RAVER2: variants seen among roughly 807,000 people sequenced by gnomAD.
The protein encoded by RAVER2 is ribonucleoprotein PTB-binding 2.
A neutral mutation model predicts 78.1 loss-of-function variants in RAVER2; 46 were observed. That is an observed-to-expected ratio of 0.59 (90% CI 0.46 to 0.75). The LOEUF is 0.75. Among genes scored for constraint, RAVER2 ranks in the 30% least tolerant of loss-of-function variants. The pLI is 0.00. For synonymous variants in RAVER2, 311 were observed against 313.3 expected, an observed-to-expected ratio of 0.99 and a Z score of 0.08; for missense variants, 793 against 837.5, an observed-to-expected ratio of 0.95 and a Z score of 0.66.
chr1:64,748,975 G>A (rs1248423481), intron 1 of RAVER2, among the ~76,000 whole-genome samples: 1 of 152,080 alleles, frequency 6.6e-6, no homozygotes. Flanking sequence ...TGGGACTACA[G>A]GCATAAGCCA....
At chr1:64,795,288 C>T in intron 5 of RAVER2, among the ~76,000 whole-genome samples, 1 of 151,982 alleles carries the variant, frequency 6.6e-6, no homozygotes, top group East Asian at 1.9e-4. Context: ...AGTTGTTTGG[C>T]CATTCCAGGT....
chr1:64,805,033 A>G, exon 8 of RAVER2: 2 of 1,614,008 alleles, frequency 1.2e-6, no homozygotes, highest in Middle Eastern at 3.3e-4. Flanking sequence ...GGTACTTCAG[A>G]CTGCACTAGG....
At chr1:64,776,020 A>C (rs1229333660) in intron 2 of RAVER2, among the ~76,000 whole-genome samples, 1 of 69,970 alleles carries the variant, frequency 1.4e-5, no homozygotes, top group South Asian at 3.5e-4. Context: ...CTCTTGTCTC[A>C]AAAAAAAAAA....
At chr1:64,789,949 GT>G (rs1652889957) in intron 5 of RAVER2, among the ~76,000 whole-genome samples, 1 of 152,064 alleles carries the variant, frequency 6.6e-6, no homozygotes, top group Non-Finnish European at 1.5e-5. Flanking sequence ...TTGTAAAATT[GT>G]TTCACTTTGT....
chr1:64,753,670 C>T (rs1309534882), intron 1 of RAVER2, among the ~76,000 whole-genome samples: 1 of 151,516 alleles, frequency 6.6e-6, no homozygotes, highest in Non-Finnish European at 1.5e-5. Flanking sequence ...ATTACAGGCG[C>T]CCGCCACCAC....
chr1:64,771,263 C>T (rs989258624), intron 2 of RAVER2, among the ~76,000 whole-genome samples: 1 of 151,998 alleles, frequency 6.6e-6, no homozygotes, highest in Non-Finnish European at 1.5e-5. Context: ...AACATCTTTT[C>T]ATTCTTTACC....
At chr1:64,818,777 CTGT>C (rs1185741307) in intron 11 of RAVER2, among the ~76,000 whole-genome samples, 1 of 152,048 alleles carries the variant, frequency 6.6e-6, no homozygotes, top group African/African-American at 2.4e-5. Flanking sequence ...GTTAGCAAGG[CTGT>C]TAAGTGAAGG....
intron 11 of RAVER2, among the ~76,000 whole-genome samples, chr1:64,822,220 A>G (rs1390377327): frequency 6.6e-6 from 1 of 152,148 alleles, no homozygotes; most frequent in Non-Finnish European, 1.5e-5. Flanking sequence ...CCCGGGAGGC[A>G]GAGCTTGCAG....
In RAVER2 at chr1:64,778,223, G is replaced by A. The variant is rs1652528430; in HGVS notation, c.786+131G>A. 8 of 757,384 alleles carry A rather than the reference G, an allele frequency of 1.1e-5. No homozygotes were observed. In the South Asian group the frequency reaches 1.7e-4, roughly 16 times the overall value. 46.9% of individuals were successfully genotyped at this position (757,384 alleles called of 1,614,324 possible). ...AATTTAATTCTGCATCATTCTGTAG[G>A]GAAGACTTTGATCTCATGGGAAATT... On this transcript the variant is annotated intron_variant, in intron 3 of 11. Transcript: ENST00000294428.
At chr1:64,801,374 C>T (rs1031533960) in intron 5 of RAVER2, among the ~76,000 whole-genome samples, 3 of 151,758 alleles carry the variant, frequency 2.0e-5, no homozygotes, top group African/African-American at 4.8e-5. Context: ...GCTGGGATTA[C>T]AGGCGTGAGC....
At chr1:64,757,329 A>ATCCCT (rs1429847226) in intron 1 of RAVER2, among the ~76,000 whole-genome samples, 6 of 152,282 alleles carry the variant, frequency 3.9e-5, no homozygotes, top group Non-Finnish European at 8.8e-5. Flanking sequence ...CAGTGTTACT[A>ATCCCT]TATTTGGAGA....
At chr1:64,813,011 C>T (rs1653659960) in intron 10 of RAVER2, among the ~76,000 whole-genome samples, 162 bp downstream of exon 10, 1 of 152,174 alleles carries the variant, frequency 6.6e-6, no homozygotes, top group Admixed American at 6.5e-5. Context: ...CTAAGACACT[C>T]AAAATGCGTG....
At chr1:64,796,802 T>C (rs1431138671) in intron 5 of RAVER2, among the ~76,000 whole-genome samples, 2 of 152,176 alleles carry the variant, frequency 1.3e-5, no homozygotes, top group Non-Finnish European at 2.9e-5. Context: ...TTGAACATAT[T>C]TTGTTCTTCC....
At chr1:64,808,630 T>A (rs968454035) in intron 9 of RAVER2, among the ~76,000 whole-genome samples, 1 of 151,956 alleles carries the variant, frequency 6.6e-6, no homozygotes, top group Admixed American at 6.6e-5. Context: ...CCTGGCTGAT[T>A]TTTGTATTTT....
chr1:64,752,747 A>C (rs183130147), intron 1 of RAVER2, among the ~76,000 whole-genome samples: 1 of 152,176 alleles, frequency 6.6e-6, no homozygotes, highest in Non-Finnish European at 1.5e-5. Context: ...CCATCAATAC[A>C]TGATAGCCCC....
chr1:64,825,587 T>A, intron 11 of RAVER2, among the ~76,000 whole-genome samples: 1 of 152,234 alleles, frequency 6.6e-6, no homozygotes, highest in Non-Finnish European at 1.5e-5. Flanking sequence ...CATTAACATA[T>A]CCCAAAGGAA....
chr1:64,768,628 A>T (rs1234650548), intron 1 of RAVER2, 28 bp from the exon 2 acceptor site: 1 of 1,386,798 alleles, frequency 7.2e-7, no homozygotes, highest in Non-Finnish European at 1.0e-6. Context: ...TTGTATGTTT[A>T]CTGAATTCGT....
At chr1:64,792,724 A>C (rs937070861) in intron 5 of RAVER2, among the ~76,000 whole-genome samples, 1 of 152,218 alleles carries the variant, frequency 6.6e-6, no homozygotes, top group Non-Finnish European at 1.5e-5. Flanking sequence ...ACTTGAGCAC[A>C]TACATAGCTG....
At chr1:64,765,884 A>T (rs1225143463) in intron 1 of RAVER2, among the ~76,000 whole-genome samples, 1 of 152,192 alleles carries the variant, frequency 6.6e-6, no homozygotes, top group Admixed American at 6.5e-5. Flanking sequence ...TTCTTAAAAC[A>T]TTTTTTTAAA....
Sources: gnomAD v4.1 joint callset for allele counts (sites outside exome capture counted in the v4.1 genomes callset) on GRCh38, gnomAD v4.1.1 for gene constraint, MANE v1.5 for transcripts, NCBI Gene and HGNC (gene_info 2026-07-23, HGNC 2026-07-21) for gene names.